The following RRH variants were observed in gnomAD, a reference collection of about 807,000 sequenced individuals.
RRH encodes the protein retinal pigment epithelium-derived rhodopsin homolog, also known as visual pigment-like receptor peropsin.
Under a neutral mutation model 33.1 loss-of-function variants are expected in RRH, and 36 were observed. That is an observed-to-expected ratio of 1.09 (90% CI 0.83 to 1.44). RRH has a LOEUF of 1.44. Ranked by LOEUF, RRH falls within the 40% of genes most tolerant of loss-of-function variation. The pLI is 0.00. For synonymous variants in RRH, 124 were observed against 140.2 expected (o/e 0.88, Z 0.82); for missense variants, 393 against 420.2 (o/e 0.94, Z 0.57).
At chr4:109,831,740 A>G (rs1185803482) in intron 1 of RRH, among the ~76,000 whole-genome samples, 1 of 152,140 alleles carries the variant, frequency 6.6e-6, no homozygotes, top group East Asian at 1.9e-4. Flanking sequence ...CTAGAGAGTG[A>G]CAACAGATGA....
At chr4:109,836,438 A>G (rs978794059) in intron 4 of RRH, among the ~76,000 whole-genome samples, 2 of 152,036 alleles carry the variant, frequency 1.3e-5, no homozygotes, top group African/African-American at 4.8e-5. Context: ...GGTACCAATC[A>G]CCCTTCCAAT....
rs1733797728 is a variant in RRH, at chr4:109,833,211, C to G, written c.179C>G (p.Thr60Arg). Residue 60 changes from threonine (T) to arginine (R), a missense_variant, in exon 2 of 7, where the codon ACA (threonine) becomes AGA (arginine). Coordinates refer to ENST00000317735, the MANE Select transcript of RRH (RefSeq NM_006583.5). Reference protein sequence around the residue: ...FIKYKELRTPTNAIIINLAVT... With the variant: ...FIKYKELRTPRNAIIINLAVT... The stretch of plus-strand genomic sequence containing the variant: ...AAGTACAAGGAACTTCGGACACCCA[C>G]AAATGCAATTATTATTAACCTGGCT... 1 of 1,613,746 alleles carries G rather than the reference C, an allele frequency of 6.2e-7. No homozygotes were observed. The highest frequency in any genetic ancestry group is 2.2e-5 in the East Asian group (1 of 44,872).
At chr4:109,835,513 TG>T (rs1400642477) in intron 3 of RRH, 48 bp downstream of exon 3, 3 of 1,262,768 alleles carry the variant, frequency 2.4e-6, no homozygotes. Context: ...TCTTGACTAA[TG>T]GCCACTCAAT....
In RRH at chr4:109,833,528, A is replaced by G. The variant is rs1232047478; in HGVS notation, c.297+199A>G. Among the ~76,000 whole-genome samples, 4 of 152,234 alleles carry G rather than the reference A, an allele frequency of 2.6e-5. No homozygotes were observed. The East Asian group carries it at 7.7e-4, about 29-fold the overall frequency. Reference sequence around the variant, plus strand: ...ATCACCAACCATTGTTATATTTTCAAAATTCTCCCAACTCAAAGGAAGAAA... The same window carrying G: ...ATCACCAACCATTGTTATATTTTCAGAATTCTCCCAACTCAAAGGAAGAAA... On this transcript the variant is annotated intron_variant, in intron 2 of 6. Coordinates refer to ENST00000317735, the MANE Select transcript of RRH (RefSeq NM_006583.5).
At chr4:109,838,946 A>T (rs959601510) in intron 5 of RRH, among the ~76,000 whole-genome samples, 2 of 152,010 alleles carry the variant, frequency 1.3e-5, no homozygotes, top group Non-Finnish European at 2.9e-5. Context: ...GATTTCTAGT[A>T]TCATTTCTCT....
intron 1 of RRH, among the ~76,000 whole-genome samples, chr4:109,829,445 C>T (rs1425688867): frequency 1.3e-5 from 2 of 150,240 alleles, no homozygotes; most frequent in Non-Finnish European, 3.0e-5. Context: ...AAAAAACAAC[C>T]AAAACTATCC....
rs529822321 is a variant in RRH at position 109,844,289 on chromosome 4, T to C, written c.*92T>C. The C allele has an allele frequency of 4.9e-5, 39 of 800,964 alleles. No individual in the cohort carries two copies. The African/African-American group carries it at 6.3e-4, about 13-fold the overall frequency. The allele number at this position is 800,964 out of a possible 1,614,324, so 49.6% of individuals were successfully genotyped here. A position where few individuals can be genotyped will look rare whatever the true frequency, so the allele number is the denominator to read the frequency against. ...AGCCCATTTAGATCAAGTGCAGACA[T>C]GGATCATTGTCCTATGAGAGTGTAA... is the stretch of plus-strand genomic sequence containing the variant. On this transcript the variant is annotated 3_prime_UTR_variant, in exon 7 of 7. Transcript: ENST00000317735.
chr4:109,835,557 T>C, intron 3 of RRH, 92 bp downstream of exon 3: 2 of 927,590 alleles, frequency 2.2e-6, no homozygotes, highest in Non-Finnish European at 3.6e-6. Flanking sequence ...ACCTAATGGT[T>C]TGTAGTTAGG....
intron 1 of RRH, among the ~76,000 whole-genome samples, chr4:109,830,879 A>G (rs1380091841): frequency 1.3e-5 from 2 of 152,160 alleles, no homozygotes; most frequent in Admixed American, 6.5e-5. Context: ...GAAGTCACGG[A>G]AGACAAGAAG....
In RRH at chr4:109,844,221, C is replaced by G. The variant is rs745450106; in HGVS notation, c.*24C>G. 6.4e-6 allele frequency: 9 copies of G among 1,414,306 alleles called. No homozygotes were observed. In the East Asian group the frequency reaches 9.1e-5, roughly 14 times the overall value. The allele number at this position is 1,414,306 out of a possible 1,614,324, so 87.6% of individuals were successfully genotyped here. A position where few individuals can be genotyped will look rare whatever the true frequency, so the allele number is the denominator to read the frequency against. The stretch of plus-strand genomic sequence containing the variant: ...GAAATAAGATAAAAGGACACACTAT[C>G]AAAACACTTTAGTTTTTTGACAATG... On this transcript the variant is annotated 3_prime_UTR_variant, in exon 7 of 7. Transcript: ENST00000317735.
At chr4:109,831,263 A>G (rs1733745226) in intron 1 of RRH, among the ~76,000 whole-genome samples, 1 of 152,200 alleles carries the variant, frequency 6.6e-6, no homozygotes, top group Non-Finnish European at 1.5e-5. Flanking sequence ...TATATCTTGT[A>G]TACATGCTAC....
chr4:109,834,230 C>G (rs748189690), intron 2 of RRH, among the ~76,000 whole-genome samples: 1 of 151,744 alleles, frequency 6.6e-6, no homozygotes, highest in African/African-American at 2.4e-5. Context: ...TTCATTTTAA[C>G]TGCTATATAA....
At chr4:109,828,246 G>A (rs1275093591) in intron 1 of RRH, 113 bp downstream of exon 1, 2 of 711,836 alleles carry the variant, frequency 2.8e-6, no homozygotes, top group Non-Finnish European at 2.5e-6. Flanking sequence ...ACCTTGACAA[G>A]TCATTTATCC....
chr4:109,844,563 G>C lies in RRH; in HGVS notation c.*366G>C. ...ATGTTAGAATAAATGAATAATTCTA[G>C]ATAATTACTGAAATGAGTTGTTGGA... On this transcript the variant is annotated 3_prime_UTR_variant, in exon 7 of 7. Coordinates refer to ENST00000317735, the MANE Select transcript of RRH (RefSeq NM_006583.5). The C allele has an allele frequency of 6.3e-6, 1 of 158,352 alleles. No homozygotes were observed. Among genetic ancestry groups the C allele is most frequent in the Non-Finnish European group, 1.4e-5 (1 of 71,720 alleles). The allele number at this position is 158,352 out of a possible 1,614,324, so 9.8% of individuals were successfully genotyped here.
Position 109,842,504 on chromosome 4 carries a change from A to G in RRH, c.756A>G (p.Ala252=). The part of the protein sequence containing the change: ...SVIMICMFLV[A]WSPYSIVCLW... ...TCATGATCTGCATGTTTCTGGTGGC[A>G]TGGTCCCCTTATTCCATCGTGTGCT... is the stretch of plus-strand genomic sequence containing the variant. The change falls in exon 6 of 7, where the codon GCA becomes GCG. Residue 252 remains alanine (A), a synonymous_variant. Transcript: ENST00000317735. The G allele has an allele frequency of 2.5e-6, 4 of 1,614,016 alleles. No homozygotes were observed. In the South Asian group the frequency reaches 3.3e-5, roughly 13 times the overall value.
intron 4 of RRH, among the ~76,000 whole-genome samples, chr4:109,836,948 T>C (rs1733898702): frequency 6.8e-6 from 1 of 146,496 alleles, no homozygotes; most frequent in South Asian, 2.2e-4. Flanking sequence ...ATTAGCTGGC[T>C]GTGGTGGTGT....
rs973057216 is a variant in RRH, at chr4:109,844,349, A to G, written c.*152A>G. On this transcript the variant is annotated 3_prime_UTR_variant, in exon 7 of 7. Coordinates refer to ENST00000317735, the MANE Select transcript of RRH (RefSeq NM_006583.5). The stretch of plus-strand genomic sequence containing the variant: ...GCACAGCTCGTGCTTCTGTTTGTGC[A>G]CTCTGGCTGCTGTAGTGTATGCTTC... 4.1e-5 allele frequency: 24 copies of G among 588,540 alleles called. No homozygotes were observed. In the African/African-American group the frequency reaches 4.4e-4, roughly 11 times the overall value. The allele number at this position is 588,540 out of a possible 1,614,324, so 36.5% of individuals were successfully genotyped here.
chr4:109,842,763 G>T (rs1432806171), intron 6 of RRH, 116 bp downstream of exon 6: 3 of 919,726 alleles, frequency 3.3e-6, no homozygotes, highest in Non-Finnish European at 3.5e-6. Flanking sequence ...AAGGTCATTT[G>T]CCTCATGTGA....
chr4:109,842,966 AAATGGTT>A (rs1483594615), intron 6 of RRH, among the ~76,000 whole-genome samples: 1 of 152,334 alleles, frequency 6.6e-6, no homozygotes, highest in African/African-American at 2.4e-5. Context: ...AGCTTAGTTC[AAATGGTT>A]ACCCCCACCC....
Sources: gnomAD v4.1 joint callset for allele counts (sites outside exome capture counted in the v4.1 genomes callset) on GRCh38, gnomAD v4.1.1 for gene constraint, MANE v1.5 for transcripts, NCBI Gene and HGNC (gene_info 2026-07-23, HGNC 2026-07-21) for gene names.